EGFLAM: variants seen among roughly 807,000 people sequenced by gnomAD.
EGFLAM encodes the protein pikachurin.
A neutral mutation model predicts 113.1 loss-of-function variants in EGFLAM; 79 were observed. The ratio of observed to expected loss-of-function variants is 0.70; its 90% CI spans 0.58 to 0.84. EGFLAM has a LOEUF of 0.84. Ranked by LOEUF, EGFLAM falls within the 40% of genes least tolerant of loss-of-function variation. EGFLAM has a pLI of 0.00. For missense variants in EGFLAM, 1,265 were observed against 1,291.6 expected (o/e 0.98, Z 0.32); for synonymous variants, 504 against 487.6 (o/e 1.03, Z -0.44).
chr5:38,456,317 G>A (rs1743084427), intron 19 of EGFLAM, among the ~76,000 whole-genome samples: 1 of 152,142 alleles, frequency 6.6e-6, no homozygotes, highest in East Asian at 1.9e-4. Context: ...GATCAAGGCA[G>A]GTCCGTTGAA....
In EGFLAM at chr5:38,427,281, T is replaced by C. The variant is rs759192504; in HGVS notation, c.2054+29T>C. 9 of 1,604,238 alleles carry C rather than the reference T, an allele frequency of 5.6e-6. No individual in the cohort carries two copies. In the East Asian group the frequency reaches 1.8e-4, roughly 32 times the overall value. ...AGGGCTGAAAACTTCTGGGACTCTT[T>C]CCCTTAAAAAGGCAAATAGTAACTG... On this transcript the variant is annotated intron_variant, in intron 14 of 21. Transcript: ENST00000322350.
At chr5:38,327,528 A>C (rs1226656606) in intron 1 of EGFLAM, among the ~76,000 whole-genome samples, 1 of 152,202 alleles carries the variant, frequency 6.6e-6, no homozygotes, top group Non-Finnish European at 1.5e-5. Context: ...TAACTGTAAT[A>C]ATAGTATTGG....
chr5:38,334,469 T>C (rs1739132547), intron 1 of EGFLAM, among the ~76,000 whole-genome samples: 1 of 152,142 alleles, frequency 6.6e-6, no homozygotes, highest in Non-Finnish European at 1.5e-5. Flanking sequence ...GGATATCTTT[T>C]GGGGAACTAA....
chr5:38,387,168 A>G (rs1740684482), intron 6 of EGFLAM, among the ~76,000 whole-genome samples: 1 of 152,180 alleles, frequency 6.6e-6, no homozygotes, highest in Non-Finnish European at 1.5e-5. Flanking sequence ...CCAGACACCA[A>G]AAGGCATAGG....
intron 1 of EGFLAM, among the ~76,000 whole-genome samples, chr5:38,325,760 A>C (rs1738862931): frequency 6.6e-6 from 1 of 152,240 alleles, no homozygotes; most frequent in Non-Finnish European, 1.5e-5. Flanking sequence ...AAACATGCAG[A>C]TAAAAGTACA....
chr5:38,453,621 C>A (rs1160767694), intron 19 of EGFLAM, among the ~76,000 whole-genome samples: 3 of 152,144 alleles, frequency 2.0e-5, no homozygotes, highest in Non-Finnish European at 4.4e-5. Flanking sequence ...CGTAGCCTCC[C>A]ACCCATTGCT....
intron 1 of EGFLAM, among the ~76,000 whole-genome samples, chr5:38,296,141 G>A (rs1468100586): frequency 1.3e-5 from 2 of 152,090 alleles, no homozygotes; most frequent in Non-Finnish European, 2.9e-5. Context: ...AAAAAGAAAA[G>A]GAAAATAGGG....
chr5:38,358,379 G>A (rs1174419444), intron 5 of EGFLAM, among the ~76,000 whole-genome samples: 9 of 143,798 alleles, frequency 6.3e-5, no homozygotes, highest in African/African-American at 1.5e-4. Flanking sequence ...CCCGGGAGGC[G>A]GAGCTTGCAG....
At chr5:38,287,478 C>G (rs1026161748) in intron 1 of EGFLAM, among the ~76,000 whole-genome samples, 1 of 152,116 alleles carries the variant, frequency 6.6e-6, no homozygotes, top group African/African-American at 2.4e-5. Flanking sequence ...CTCAAGCAGT[C>G]CTTCTGCCTC....
intron 6 of EGFLAM, among the ~76,000 whole-genome samples, chr5:38,394,066 T>C (rs1316947504): frequency 6.6e-6 from 1 of 152,082 alleles, no homozygotes; most frequent in Non-Finnish European, 1.5e-5. Flanking sequence ...CGTCTGAAGT[T>C]AGCCATCTAT....
chr5:38,401,506 C>A (rs1214599282), intron 6 of EGFLAM, among the ~76,000 whole-genome samples: 1 of 152,104 alleles, frequency 6.6e-6, no homozygotes, highest in Non-Finnish European at 1.5e-5. Context: ...GTGTTTAGAT[C>A]TCTTTCCATT....
At chr5:38,259,443 G>A (rs1207221550) in intron 1 of EGFLAM, among the ~76,000 whole-genome samples, 1 of 152,190 alleles carries the variant, frequency 6.6e-6, no homozygotes, top group Admixed American at 6.5e-5. Flanking sequence ...TTTAAACAAA[G>A]AAATGTACGT....
intron 5 of EGFLAM, among the ~76,000 whole-genome samples, chr5:38,353,464 T>C (rs60906991): frequency 0.045 from 6,819 of 152,274 alleles, 513 homozygotes; most frequent in African/African-American, 0.15. Context: ...TAAGGCTCTC[T>C]GAAGCTGGGA....
chr5:38,267,189 T>C (rs1757654402), intron 1 of EGFLAM, among the ~76,000 whole-genome samples: 1 of 152,242 alleles, frequency 6.6e-6, no homozygotes. Context: ...TCTGCAAGTC[T>C]TGAGCAATTT....
At chr5:38,356,755 C>A (rs1363976137) in intron 5 of EGFLAM, among the ~76,000 whole-genome samples, 4 of 152,254 alleles carry the variant, frequency 2.6e-5, no homozygotes, top group Admixed American at 2.6e-4. Context: ...AAAATCAATC[C>A]ATTTGTAAAC....
At chr5:38,265,433 A>G (rs527283135) in intron 1 of EGFLAM, among the ~76,000 whole-genome samples, 1 of 152,294 alleles carries the variant, frequency 6.6e-6, no homozygotes, top group Admixed American at 6.5e-5. Flanking sequence ...GCAGCAGAAA[A>G]TCTTTTGAGT....
At chr5:38,446,111 C>A (rs1447276688) in intron 17 of EGFLAM, among the ~76,000 whole-genome samples, 2 of 152,262 alleles carry the variant, frequency 1.3e-5, no homozygotes, top group Admixed American at 6.5e-5. Context: ...GGGAAGGCCT[C>A]CCCCACCGCT....
At chr5:38,312,323 G>A (rs1203583205) in intron 1 of EGFLAM, among the ~76,000 whole-genome samples, 1 of 151,114 alleles carries the variant, frequency 6.6e-6, no homozygotes, top group Non-Finnish European at 1.5e-5. Context: ...CTCACTGCAA[G>A]CTCCACCTCC....
chr5:38,303,107 A>C (rs1261481741), intron 1 of EGFLAM, among the ~76,000 whole-genome samples: 1 of 152,038 alleles, frequency 6.6e-6, no homozygotes, highest in Admixed American at 6.5e-5. Context: ...GCAGAAATAT[A>C]CCCATTGTCC....
Sources: allele counts gnomAD v4.1 joint callset (sites outside exome capture counted in the v4.1 genomes callset), GRCh38; gene constraint gnomAD v4.1.1; transcripts MANE v1.5; gene names NCBI Gene and HGNC (gene_info 2026-07-23, HGNC 2026-07-21).